C8orf34: variants seen among roughly 807,000 people sequenced by gnomAD.
The protein encoded by C8orf34 is uncharacterized protein C8orf34.
Under a neutral mutation model 68.3 loss-of-function variants are expected in C8orf34, and 65 were observed. That is an observed-to-expected ratio of 0.95 (90% confidence interval 0.78 to 1.17). The LOEUF (loss-of-function observed/expected upper bound fraction) is 1.17. C8orf34 is among the 50% of genes most tolerant of loss of function. The probability of loss-of-function intolerance (pLI) is 0.00; values close to 1 mark genes in which losing one functional copy is unlikely to be tolerated. For synonymous variants in C8orf34, 244 were observed against 241.2 expected (o/e 1.01, Z -0.11); for missense variants, 664 against 655.4 (o/e 1.01, Z -0.14).
At chr8:68,646,797 T>C (rs1452608536) in intron 8 of C8orf34, among the ~76,000 whole-genome samples, 1 of 152,232 alleles carries the variant, frequency 6.6e-6, no homozygotes, top group Non-Finnish European at 1.5e-5. Flanking sequence ...CAGAATTTTC[T>C]TCTTTTTAAA....
Position 68,354,327 on chromosome 8 carries a change from G to A in C8orf34, c.327+22988G>A, listed in dbSNP as rs1806653046. Reference sequence around the variant, plus strand: ...CCTAATAATCATAGTACTATTCTAGGCAATTTATTCTTACAGACTTTTTTT... The same window carrying A: ...CCTAATAATCATAGTACTATTCTAGACAATTTATTCTTACAGACTTTTTTT... On this transcript the variant is annotated intron_variant, in intron 1 of 13. Transcript: ENST00000518698. Among the ~76,000 whole-genome samples the A allele has an allele frequency of 2.0e-5, 3 of 151,812 alleles. No individual in the cohort carries two copies. In the South Asian group the frequency reaches 6.2e-4, roughly 32 times the overall value.
chr8:68,725,414 G>A (rs1338485550), intron 10 of C8orf34, among the ~76,000 whole-genome samples: 1 of 152,118 alleles, frequency 6.6e-6, no homozygotes, highest in Non-Finnish European at 1.5e-5. Flanking sequence ...AAAGTCTTCT[G>A]TAAAAAAGGT....
At chr8:68,515,336 G>T (rs1586297670) in intron 5 of C8orf34, among the ~76,000 whole-genome samples, 3 of 145,018 alleles carry the variant, frequency 2.1e-5, no homozygotes, top group Admixed American at 6.9e-5. Context: ...GCTGCTCTAT[G>T]TAAATTACAT....
intron 7 of C8orf34, among the ~76,000 whole-genome samples, chr8:68,603,361 CA>C (rs1817755063): frequency 6.6e-6 from 1 of 151,930 alleles, no homozygotes; most frequent in Non-Finnish European, 1.5e-5. Flanking sequence ...GGTATATGCC[CA>C]AAAGAAATAA....
At chr8:68,706,105 A>G (rs1371604769) in intron 8 of C8orf34, among the ~76,000 whole-genome samples, 1 of 152,238 alleles carries the variant, frequency 6.6e-6, no homozygotes, top group Non-Finnish European at 1.5e-5. Context: ...AAGACAATCA[A>G]GAAGTTCAAG....
intron 7 of C8orf34, among the ~76,000 whole-genome samples, chr8:68,632,547 G>T (rs574764695): frequency 3.1e-4 from 47 of 152,096 alleles, no homozygotes; most frequent in African/African-American, 1.1e-3. Flanking sequence ...GTAATGAGGA[G>T]CCCAATGTTA....
At chr8:68,810,519 T>C (rs2129529913) in intron 12 of C8orf34, among the ~76,000 whole-genome samples, 1 of 152,242 alleles carries the variant, frequency 6.6e-6, no homozygotes, top group Non-Finnish European at 1.5e-5. Context: ...TCTCTACTTC[T>C]CGTAGCCCGC....
chr8:68,561,788 A>C (rs1408342496), intron 7 of C8orf34, among the ~76,000 whole-genome samples: 1 of 152,092 alleles, frequency 6.6e-6, no homozygotes, highest in Non-Finnish European at 1.5e-5. Context: ...CAAAACCAAA[A>C]AAACAAACAA....
intron 12 of C8orf34, among the ~76,000 whole-genome samples, chr8:68,809,142 C>G (rs1163225442): frequency 6.6e-6 from 1 of 152,136 alleles, no homozygotes; most frequent in African/African-American, 2.4e-5. Flanking sequence ...AGTGCATCTA[C>G]AGTTGCCCAA....
chr8:68,746,482 C>A (rs1231197126), intron 10 of C8orf34, among the ~76,000 whole-genome samples: 1 of 8 alleles, frequency 0.12, no homozygotes, highest in Non-Finnish European at 0.12. Flanking sequence ...ATTGATAGAC[C>A]GCTAGCAAGC....
chr8:68,463,709 G>C (rs1040600543), intron 3 of C8orf34, among the ~76,000 whole-genome samples: 5 of 152,138 alleles, frequency 3.3e-5, no homozygotes, highest in African/African-American at 1.2e-4. Flanking sequence ...TATCTCAATA[G>C]ATGCAGAAAA....
At chr8:68,589,495 AAG>A (rs561294141) in intron 7 of C8orf34, among the ~76,000 whole-genome samples, 6 of 149,820 alleles carry the variant, frequency 4.0e-5, no homozygotes, top group African/African-American at 9.9e-5. Context: ...AGAAGAAAGA[AAG>A]AGAGAGAACG....
chr8:68,599,567 A>G (rs984804510), intron 7 of C8orf34, among the ~76,000 whole-genome samples: 8 of 152,092 alleles, frequency 5.3e-5, no homozygotes, highest in African/African-American at 1.9e-4. Context: ...CTGAAAGGAA[A>G]GTCTGTTAAA....
chr8:68,695,296 C>T (rs188131913), intron 8 of C8orf34, among the ~76,000 whole-genome samples: 54 of 151,964 alleles, frequency 3.6e-4, no homozygotes, highest in Admixed American at 3.0e-3. Flanking sequence ...TACAGGAACC[C>T]GCCACCACGT....
At chr8:68,751,900 A>C (rs925416909) in intron 10 of C8orf34, among the ~76,000 whole-genome samples, 1 of 151,620 alleles carries the variant, frequency 6.6e-6, no homozygotes, top group Non-Finnish European at 1.5e-5. Context: ...TATTACAAAT[A>C]AACTCAAAAT....
chr8:68,603,383 C>T (rs7812930), intron 7 of C8orf34, among the ~76,000 whole-genome samples: 50,073 of 151,834 alleles, frequency 0.33, 9,894 homozygotes, highest in Non-Finnish European at 0.44. Context: ...ATGAGATGCT[C>T]CTGACTATAT....
At chr8:68,791,918 C>G (rs912737361) in intron 12 of C8orf34, 2 of 152,140 alleles carry the variant, frequency 1.3e-5, no homozygotes, top group African/African-American at 4.8e-5. Context: ...AGACTTTGAA[C>G]GAAAAATGTA....
intron 10 of C8orf34, among the ~76,000 whole-genome samples, chr8:68,776,097 A>G (rs1823507427): frequency 6.6e-6 from 1 of 152,246 alleles, no homozygotes; most frequent in Non-Finnish European, 1.5e-5. Flanking sequence ...GCAAACCACC[A>G]TGGCACATGT....
At chr8:68,790,008 A>C (rs759600330) in intron 12 of C8orf34, among the ~76,000 whole-genome samples, 1 of 152,172 alleles carries the variant, frequency 6.6e-6, no homozygotes, top group Non-Finnish European at 1.5e-5. Context: ...CTTGAAATAA[A>C]ATCAGGGTTT....
Sources: gnomAD v4.1 joint callset for allele counts (sites outside exome capture counted in the v4.1 genomes callset) on GRCh38, gnomAD v4.1.1 for gene constraint, MANE v1.5 for transcripts, NCBI Gene and HGNC (gene_info 2026-07-23, HGNC 2026-07-21) for gene names.